Variants in PLCL2 observed in about 807,000 individuals in gnomAD.
PLCL2 encodes the protein phospholipase C like 2.
Under a neutral mutation model 79.6 loss-of-function variants are expected in PLCL2, and 4 were observed. The ratio of observed to expected loss-of-function variants is 0.05; its 90% confidence interval spans 0.02 to 0.11. The LOEUF (loss-of-function observed/expected upper bound fraction) is 0.11, where lower values mean the gene tolerates loss of function less well. PLCL2 is among the 10% of genes least tolerant of loss of function. The pLI is 1.00. For missense variants in PLCL2, 895 were observed against 1,291.0 expected, an observed-to-expected ratio of 0.69 and a Z score of 4.70; for synonymous variants, 484 against 457.7, an observed-to-expected ratio of 1.06 and a Z score of -0.73.
At chr3:17,052,260 G>GA (rs537981998) in intron 4 of PLCL2, among the ~76,000 whole-genome samples, 3 of 150,354 alleles carry the variant, frequency 2.0e-5, no homozygotes, top group Admixed American at 1.3e-4. Flanking sequence ...AAAATTGGGG[G>GA]GGGGTGAAGG....
intron 1 of PLCL2, among the ~76,000 whole-genome samples, chr3:16,908,835 T>C (rs1696809113): frequency 6.6e-6 from 1 of 152,154 alleles, no homozygotes; most frequent in Non-Finnish European, 1.5e-5. Context: ...TTAATAAAAG[T>C]GTGATATGAG....
intron 1 of PLCL2, among the ~76,000 whole-genome samples, chr3:16,980,853 A>G (rs995061798): frequency 1.3e-4 from 20 of 152,226 alleles, no homozygotes; most frequent in Non-Finnish European, 2.4e-4. Context: ...ACCATTGAGC[A>G]CTGAGTGAAC....
intron 5 of PLCL2, among the ~76,000 whole-genome samples, chr3:17,077,418 T>C (rs4685425): frequency 0.19 from 29,155 of 152,198 alleles, 3,245 homozygotes; most frequent in East Asian, 0.54. Context: ...ACATGACTTC[T>C]GTGAGTTTTA....
chr3:17,019,151 G>A (rs1409365508), intron 3 of PLCL2, among the ~76,000 whole-genome samples: 2 of 152,208 alleles, frequency 1.3e-5, no homozygotes, highest in East Asian at 3.8e-4. Context: ...GTAAGAATGA[G>A]TTGGAATTCA....
At chr3:16,997,969 C>G (rs1262736295) in intron 1 of PLCL2, among the ~76,000 whole-genome samples, 1 of 152,142 alleles carries the variant, frequency 6.6e-6, no homozygotes, top group African/African-American at 2.4e-5. Flanking sequence ...TGGGGCAATT[C>G]TCCTTAATTT....
At chr3:16,930,063 T>G (rs183547118) in intron 1 of PLCL2, among the ~76,000 whole-genome samples, 294 of 152,326 alleles carry the variant, frequency 1.9e-3, no homozygotes, top group Admixed American at 5.0e-3. Context: ...AGAGTGGTAT[T>G]GTGCAGCCAG....
chr3:16,911,716 A>G (rs1193067096), intron 1 of PLCL2, among the ~76,000 whole-genome samples: 3 of 152,212 alleles, frequency 2.0e-5, no homozygotes, highest in Admixed American at 1.3e-4. Flanking sequence ...GTTCCTGATA[A>G]TCAATTTTCA....
chr3:17,014,945 G>A lies in PLCL2; in HGVS notation c.3018+34G>A, dbSNP rs114256513. 1,800 of 1,539,832 alleles carry A rather than the reference G, an allele frequency of 1.2e-3. 1 individual carries two copies. Among genetic ancestry groups the A allele is most frequent in the Middle Eastern group, 2.7e-3 (15 of 5,628 alleles). The stretch of plus-strand genomic sequence containing the variant: ...TCCTTTGTCCGTTTACATAGCCTGG[G>A]TGAGAGAGATATCCTAAGACAACAC... On this transcript the variant is annotated intron_variant, in intron 3 of 5. Coordinates refer to ENST00000615277, the MANE Select transcript of PLCL2 (RefSeq NM_001144382.2).
intron 5 of PLCL2, chr3:17,081,354 A>C: frequency 2.3e-6 from 1 of 428,462 alleles, no homozygotes; most frequent in South Asian, 1.7e-5. Context: ...ACATCCAAGC[A>C]TGTGGCCATT....
chr3:16,922,054 G>A (rs1697136216), intron 1 of PLCL2, among the ~76,000 whole-genome samples: 1 of 152,150 alleles, frequency 6.6e-6, no homozygotes, highest in African/African-American at 2.4e-5. Context: ...TTTAATCTAT[G>A]TCAGGGTAGG....
intron 1 of PLCL2, among the ~76,000 whole-genome samples, chr3:16,929,894 A>G (rs1418866679): frequency 6.6e-6 from 1 of 152,168 alleles, no homozygotes; most frequent in Non-Finnish European, 1.5e-5. Flanking sequence ...GGCTTTGTTT[A>G]TAGACTTCTC....
rs189553744 is a variant in PLCL2, at chr3:17,089,607, A to G, written c.3205-126A>G. On this transcript the variant is annotated intron_variant, in intron 5 of 5. Coordinates refer to ENST00000615277, the MANE Select transcript of PLCL2 (RefSeq NM_001144382.2). ...ATTGACCTATTCAGATGCAGTGCCAATAAGAAATAATTATGCCTTCTTGTG... is the reference window on the plus strand; with the variant it reads ...ATTGACCTATTCAGATGCAGTGCCAGTAAGAAATAATTATGCCTTCTTGTG... 9.8e-4 allele frequency: 644 copies of G among 659,996 alleles called. 2 individuals are homozygous for G. Among genetic ancestry groups the G allele is most frequent in the African/African-American group, 4.9e-4 (27 of 54,710 alleles). The allele number at this position is 659,996 out of a possible 1,614,324, so 40.9% of individuals were successfully genotyped here.
At chr3:17,075,887 T>G (rs1031371608) in intron 5 of PLCL2, among the ~76,000 whole-genome samples, 4 of 152,260 alleles carry the variant, frequency 2.6e-5, no homozygotes, top group African/African-American at 9.6e-5. Flanking sequence ...TATTCTGTTT[T>G]ATGGATATAA....
At chr3:17,052,185 G>A (rs1280342986) in intron 4 of PLCL2, among the ~76,000 whole-genome samples, 7 of 138,390 alleles carry the variant, frequency 5.1e-5, no homozygotes, top group Admixed American at 3.9e-4. Flanking sequence ...ATGTTCACAC[G>A]ATTTATAACA....
At chr3:16,960,607 C>A (rs2063746045) in intron 1 of PLCL2, among the ~76,000 whole-genome samples, 1 of 152,142 alleles carries the variant, frequency 6.6e-6, no homozygotes, top group Admixed American at 6.5e-5. Flanking sequence ...GTATTGCCTG[C>A]TTCACCCCAT....
At chr3:16,903,343 G>A (rs2124922708) in intron 1 of PLCL2, among the ~76,000 whole-genome samples, 1 of 152,258 alleles carries the variant, frequency 6.6e-6, no homozygotes, top group South Asian at 2.1e-4. Context: ...TGGGTAGGAT[G>A]CATTGATACT....
At chr3:17,084,537 T>C (rs1302107122) in intron 5 of PLCL2, among the ~76,000 whole-genome samples, 1 of 152,126 alleles carries the variant, frequency 6.6e-6, no homozygotes, top group Non-Finnish European at 1.5e-5. Context: ...TAACAAAATA[T>C]TAACAATTAA....
At chr3:16,920,282 G>C (rs902583546) in intron 1 of PLCL2, among the ~76,000 whole-genome samples, 1 of 152,026 alleles carries the variant, frequency 6.6e-6, no homozygotes, top group Admixed American at 6.6e-5. Context: ...ACTGATTTGA[G>C]TGGCTTTAGA....
intron 3 of PLCL2, among the ~76,000 whole-genome samples, chr3:17,017,975 C>T (rs2064405081): frequency 2.0e-5 from 3 of 152,098 alleles, no homozygotes; most frequent in Non-Finnish European, 4.4e-5. Context: ...TTGTGGTGCT[C>T]TCGTGGCTCC....
Sources: allele counts gnomAD v4.1 joint callset (sites outside exome capture counted in the v4.1 genomes callset), GRCh38; gene constraint gnomAD v4.1.1; transcripts MANE v1.5; gene names NCBI Gene and HGNC (gene_info 2026-07-23, HGNC 2026-07-21).